The following CRPPA variants were observed in gnomAD, a reference collection of about 807,000 sequenced individuals.
CRPPA encodes D-ribitol-5-phosphate cytidylyltransferase.
In CRPPA, 43 loss-of-function variants were observed where a neutral mutation model predicts 52.0. The observed-to-expected ratio is 0.83, with a 90% CI of 0.65 to 1.07. The LOEUF is 1.07. CRPPA is among the 50% of genes least tolerant of loss of function. The pLI, the probability that CRPPA is intolerant of heterozygous loss-of-function variation, is 0.00. For synonymous variants in CRPPA, 250 were observed against 203.5 expected (o/e 1.23, Z -1.94); for missense variants, 629 against 551.7 (o/e 1.14, Z -1.40).
At chr7:16,215,957 AGCT>A (rs1325487696) in intron 9 of CRPPA, 106 bp downstream of exon 9, 29 of 876,094 alleles carry the variant, frequency 3.3e-5, no homozygotes, top group Non-Finnish European at 8.6e-6. Flanking sequence ...GTAACTTTCC[AGCT>A]GTAATTTCAC....
intron 9 of CRPPA, among the ~76,000 whole-genome samples, chr7:16,214,275 T>C (rs1782242824): frequency 6.6e-6 from 1 of 152,204 alleles, no homozygotes; most frequent in Non-Finnish European, 1.5e-5. Context: ...CATTACACTT[T>C]ACTGGAAAGT....
At chr7:16,410,549 T>C (rs1245887291) in intron 1 of CRPPA, among the ~76,000 whole-genome samples, 14 of 152,162 alleles carry the variant, frequency 9.2e-5, no homozygotes, top group Non-Finnish European at 2.1e-4. Context: ...TGTTTCCTCT[T>C]ACTCTTCTTA....
chr7:16,399,983 GTGAC>G (rs1235256992), intron 2 of CRPPA, among the ~76,000 whole-genome samples: 5 of 152,178 alleles, frequency 3.3e-5, no homozygotes, highest in Non-Finnish European at 7.3e-5. Flanking sequence ...CGATTGACAC[GTGAC>G]TGACGCATTT....
At chr7:16,296,456 T>C (rs984304968) in intron 5 of CRPPA, among the ~76,000 whole-genome samples, 3 of 152,116 alleles carry the variant, frequency 2.0e-5, no homozygotes, top group South Asian at 2.1e-4. Flanking sequence ...ACATGAGACA[T>C]GATATTTATC....
In CRPPA at chr7:16,089,316, G is replaced by T. The variant is rs886062153; in HGVS notation, c.*2379C>A. The T allele has an allele frequency of 5.1e-6, 2 of 395,854 alleles. No individual in the cohort carries two copies. Among genetic ancestry groups the T allele is most frequent in the Non-Finnish European group, 5.3e-6 (1 of 188,518 alleles). 24.5% of individuals were successfully genotyped at this position (395,854 alleles called of 1,614,324 possible). A position where few individuals can be genotyped will look rare whatever the true frequency, so the allele number is the denominator to read the frequency against. ...CGTATATACATATATGTGTGTATGC[G>T]TACGTATATAAATATATGTGTGTAT... is the stretch of plus-strand genomic sequence containing the variant. On this transcript the variant is annotated 3_prime_UTR_variant, in exon 10 of 10. Transcript: ENST00000407010.
chr7:16,397,710 A>G (rs1052015098), intron 2 of CRPPA, among the ~76,000 whole-genome samples: 7 of 152,222 alleles, frequency 4.6e-5, no homozygotes, highest in Non-Finnish European at 8.8e-5. Flanking sequence ...CATGATTGAC[A>G]TGCGACCAAC....
At chr7:16,274,046 G>GT (rs1784151858) in intron 6 of CRPPA, among the ~76,000 whole-genome samples, 1 of 152,022 alleles carries the variant, frequency 6.6e-6, no homozygotes, top group Non-Finnish European at 1.5e-5. Context: ...TTTTGTTTTT[G>GT]TTTTTGTTTT....
At chr7:16,202,982 T>A (rs367591336) in intron 9 of CRPPA, among the ~76,000 whole-genome samples, 2 of 152,248 alleles carry the variant, frequency 1.3e-5, no homozygotes, top group East Asian at 3.9e-4. Context: ...TTAAAATAAA[T>A]CCCAAGTTTT....
At chr7:16,141,272 C>A (rs1032082390) in intron 9 of CRPPA, among the ~76,000 whole-genome samples, 2 of 152,082 alleles carry the variant, frequency 1.3e-5, no homozygotes, top group Non-Finnish European at 2.9e-5. Context: ...AAAGAAAACA[C>A]CAATTTATAA....
chr7:16,321,687 T>C (rs1172517459), intron 3 of CRPPA, among the ~76,000 whole-genome samples: 1 of 152,146 alleles, frequency 6.6e-6, no homozygotes, highest in African/African-American at 2.4e-5. Flanking sequence ...AAAGAGTAGG[T>C]CTGTTGGTTA....
chr7:16,293,695 G>T (rs1420029721), intron 5 of CRPPA, among the ~76,000 whole-genome samples: 1 of 151,958 alleles, frequency 6.6e-6, no homozygotes, highest in Non-Finnish European at 1.5e-5. Flanking sequence ...GTGGTCTTCT[G>T]AAAAGCTAAC....
intron 2 of CRPPA, among the ~76,000 whole-genome samples, chr7:16,381,639 G>T (rs1251959369): frequency 1.3e-5 from 2 of 151,572 alleles, no homozygotes; most frequent in Non-Finnish European, 2.9e-5. Context: ...TCTCTTTGTA[G>T]GTCACTCAGG....
chr7:16,103,957 T>A (rs1178952804), intron 9 of CRPPA, among the ~76,000 whole-genome samples: 2 of 152,034 alleles, frequency 1.3e-5, no homozygotes, highest in Admixed American at 1.3e-4. Flanking sequence ...AAAAAAAGAA[T>A]AAAATGGGCC....
chr7:16,339,026 C>T (rs995730363), intron 3 of CRPPA, among the ~76,000 whole-genome samples: 3 of 151,988 alleles, frequency 2.0e-5, no homozygotes, highest in Non-Finnish European at 4.4e-5. Context: ...ACCGTGGTCT[C>T]GATCTCCTGA....
Position 16,321,284 on chromosome 7 carries a change from T to G in CRPPA, c.685-12657A>C, listed in dbSNP as rs535181299. Among the ~76,000 whole-genome samples, 4 of 152,196 alleles carry G rather than the reference T, an allele frequency of 2.6e-5. No individual in the cohort carries two copies. In the East Asian group the frequency reaches 7.7e-4, roughly 29 times the overall value. ...ATCAAACTATTAAAAGCTAAGAATCTCCCTAAAATGCTTTACCCTATCATA... is the reference window on the plus strand; with the variant it reads ...ATCAAACTATTAAAAGCTAAGAATCGCCCTAAAATGCTTTACCCTATCATA... On this transcript the variant is annotated intron_variant, in intron 3 of 9. Coordinates refer to ENST00000407010, the MANE Select transcript of CRPPA (RefSeq NM_001101426.4).
At chr7:16,261,449 T>A (rs1299392961) in intron 6 of CRPPA, among the ~76,000 whole-genome samples, 3 of 152,082 alleles carry the variant, frequency 2.0e-5, no homozygotes, top group African/African-American at 7.2e-5. Flanking sequence ...TATTAGATTC[T>A]TATTCTATTT....
At chr7:16,152,351 A>C (rs1783092331) in intron 9 of CRPPA, among the ~76,000 whole-genome samples, 1 of 151,990 alleles carries the variant, frequency 6.6e-6, no homozygotes. Context: ...AAACGACTTT[A>C]TTTTAATAGA....
intron 3 of CRPPA, among the ~76,000 whole-genome samples, chr7:16,311,153 T>A (rs931800378): frequency 5.3e-5 from 8 of 152,154 alleles, no homozygotes; most frequent in South Asian, 2.1e-4. Context: ...GGTATGTGTA[T>A]TAGCATCAAT....
chr7:16,171,473 A>G (rs1389431655), intron 9 of CRPPA, among the ~76,000 whole-genome samples: 2 of 152,144 alleles, frequency 1.3e-5, no homozygotes, highest in East Asian at 1.9e-4. Flanking sequence ...CAAAGAATGC[A>G]TTTTCTCTTA....
Sources: allele counts gnomAD v4.1 joint callset (sites outside exome capture counted in the v4.1 genomes callset), GRCh38; gene constraint gnomAD v4.1.1; transcripts MANE v1.5; gene names NCBI Gene and HGNC (gene_info 2026-07-23, HGNC 2026-07-21).